VSIG4: variants seen among roughly 807,000 people sequenced by gnomAD.
The protein encoded by VSIG4 is V-set and immunoglobulin domain-containing protein 4.
VSIG4 carries 34 observed loss-of-function variants against 23.4 expected under a neutral mutation model. The observed-to-expected ratio is 1.45, with a 90% confidence interval of 1.10 to 1.93. VSIG4 has a LOEUF of 1.93. VSIG4 is among the 30% of genes most tolerant of loss of function. The pLI is 0.00. For synonymous variants in VSIG4, 169 were observed against 120.3 expected, an observed-to-expected ratio of 1.41 and a Z score of -2.65; for missense variants, 433 against 310.8, an observed-to-expected ratio of 1.39 and a Z score of -2.96.
At chrX:66,036,790 A>AATATAATATATATTATATTATATTAT (rs2085560166) in intron 1 of VSIG4, among the ~76,000 whole-genome samples, 1 of 38,601 alleles carries the variant, frequency 2.6e-5, no homozygotes, top group African/African-American at 1.5e-4. Context: ...TATTATATAT[A>AATATAATATATATTATATTATATTAT]ATATAATATA....
intron 1 of VSIG4, among the ~76,000 whole-genome samples, chrX:66,038,138 A>T (rs763022236): frequency 1.8e-5 from 2 of 111,591 alleles, no homozygotes; most frequent in African/African-American, 6.5e-5. Context: ...AATATTAGAA[A>T]TTTTTTAAAT....
chrX:66,022,514 G>T lies in VSIG4; in HGVS notation c.963-14C>A. The T allele has an allele frequency of 8.3e-7, 1 of 1,209,058 alleles. No individual in the cohort carries two copies. The highest frequency in any genetic ancestry group is 1.7e-5 in the African/African-American group (1 of 57,962). ...CTGGCATGTGCCCTATGGCCCAAGA[G>T]CCCACCACCCATAAGAAGGGACTTG... is the stretch of plus-strand genomic sequence containing the variant. On this transcript the variant is annotated splice_polypyrimidine_tract_variant and intron_variant, in intron 7 of 7. Transcript: ENST00000374737.
At position 66,028,154 on chromosome X, in the gene VSIG4, T is replaced by A. The variant is rs972722710; in HGVS notation, c.695-42A>T. 9.8e-6 allele frequency: 11 copies of A among 1,127,780 alleles called. No homozygotes were observed. In the African/African-American group the frequency reaches 1.8e-4, roughly 19 times the overall value. The allele number at this position is 1,127,780 out of a possible 1,213,427, so 92.9% of individuals were successfully genotyped here. On this transcript the variant is annotated intron_variant, in intron 3 of 7. Transcript: ENST00000374737. ...ACCGATTGAAGGGACCTGGTACCCT[T>A]TGGTGAATAGTTTAATGCCCTAGGG...
At chrX:66,027,803 GT>G (rs1309777698) in intron 4 of VSIG4, among the ~76,000 whole-genome samples, 1 of 112,236 alleles carries the variant, frequency 8.9e-6, no homozygotes, top group African/African-American at 3.2e-5. Context: ...TAGTGTTCTT[GT>G]TTTTTGTATT....
chrX:66,023,958 G>T (rs1461521734), intron 6 of VSIG4, among the ~76,000 whole-genome samples: 1 of 112,382 alleles, frequency 8.9e-6, no homozygotes, highest in Non-Finnish European at 1.9e-5. Flanking sequence ...GTAGTCATGT[G>T]CTATCAAGTT....
rs375659869 is a variant in VSIG4, at chrX:66,033,522, C to G, written c.364G>C (p.Gly122Arg). The change falls in exon 2 of 8, where the codon GGC (glycine) becomes CGC (arginine). Residue 122 changes from glycine to arginine, a missense_variant. Gly to Arg is a moderately radical substitution (Grantham distance 125). Coordinates refer to ENST00000374737, the MANE Select transcript of VSIG4 (RefSeq NM_007268.3). The stretch of plus-strand genomic sequence containing the variant: ...ATCTTATCTCTCACGACTTGGTTGC[C>G]ATCAGGAGTCTGCCAGGTGACTTCA... ...TCEVTWQTPD[G>R]NQVVRDKITE... The G allele has an allele frequency of 5.0e-5, 61 of 1,211,321 alleles. No individual in the cohort carries two copies. Among genetic ancestry groups the G allele is most frequent in the Non-Finnish European group, 6.7e-5 (60 of 895,266 alleles).
At chrX:66,025,164 T>A in intron 5 of VSIG4, 35 bp from the exon 6 acceptor site, 2 of 1,026,787 alleles carry the variant, frequency 1.9e-6, no homozygotes, top group South Asian at 2.3e-5. Context: ...GGTATTTGAT[T>A]GAAAATAAGG....
intron 6 of VSIG4, among the ~76,000 whole-genome samples, chrX:66,024,419 A>G (rs958619405): frequency 8.9e-6 from 1 of 111,937 alleles, no homozygotes; most frequent in African/African-American, 3.3e-5. Flanking sequence ...CCTGTTGCCC[A>G]TCTACAGAAA....
At chrX:66,036,590 A>T (rs2085543899) in intron 1 of VSIG4, among the ~76,000 whole-genome samples, 1 of 86,853 alleles carries the variant, frequency 1.2e-5, no homozygotes, top group African/African-American at 4.3e-5. Context: ...AAAGGAAGTA[A>T]TATTATAATA....
rs775432506 is a variant in VSIG4, at chrX:66,040,069, G to A, written c.-71C>T. ...AAAGAGGCTCAAACTTCTGGTGGCC[G>A]CCAGCGTCTGTGACTGCTTACTTCC... On this transcript the variant is annotated 5_prime_UTR_variant, in exon 1 of 8. Transcript: ENST00000374737. 44 of 1,105,025 alleles carry A rather than the reference G, an allele frequency of 4.0e-5. No individual in the cohort carries two copies. The highest frequency in any genetic ancestry group is 4.6e-5 in the Non-Finnish European group (37 of 802,855). The allele number at this position is 1,105,025 out of a possible 1,213,427, so 91.1% of individuals were successfully genotyped here. A position where few individuals can be genotyped will look rare whatever the true frequency, so the allele number is the denominator to read the frequency against.
At chrX:66,030,216 T>A (rs960604901) in intron 3 of VSIG4, among the ~76,000 whole-genome samples, 1 of 109,988 alleles carries the variant, frequency 9.1e-6, no homozygotes, top group African/African-American at 3.3e-5. Context: ...AATGGAGAGG[T>A]CTTGGGATTT....
intron 1 of VSIG4, among the ~76,000 whole-genome samples, chrX:66,037,034 GTAATA>G (rs1363114342): frequency 9.8e-4 from 18 of 18,301 alleles, no homozygotes; most frequent in Non-Finnish European, 1.4e-3. Context: ...AATATATAAT[GTAATA>G]TAATATATCA....
chrX:66,035,327 T>C (rs2085523407), intron 1 of VSIG4, among the ~76,000 whole-genome samples: 1 of 112,235 alleles, frequency 8.9e-6, no homozygotes, highest in Admixed American at 9.5e-5. Context: ...TCTATTTTCC[T>C]AATTCTATTT....
intron 1 of VSIG4, among the ~76,000 whole-genome samples, chrX:66,037,645 T>C (rs1308365200): frequency 1.2e-5 from 1 of 84,909 alleles, no homozygotes; most frequent in Non-Finnish European, 2.1e-5. Flanking sequence ...ATAATAATTA[T>C]ATAATTATTA....
intron 5 of VSIG4, among the ~76,000 whole-genome samples, chrX:66,026,385 A>T (rs1314896542): frequency 8.9e-6 from 1 of 111,867 alleles, no homozygotes; most frequent in Non-Finnish European, 1.9e-5. Flanking sequence ...AGTACTAAAA[A>T]ACTTGGTAGA....
At chrX:66,034,108 C>T (rs1479024536) in intron 1 of VSIG4, among the ~76,000 whole-genome samples, 1 of 111,784 alleles carries the variant, frequency 8.9e-6, no homozygotes, top group Non-Finnish European at 1.9e-5. Context: ...GGTAAGTCAC[C>T]TTCTTACCGT....
At chrX:66,025,504 C>A (rs886271479) in intron 5 of VSIG4, among the ~76,000 whole-genome samples, 11 of 112,366 alleles carry the variant, frequency 9.8e-5, no homozygotes, top group Non-Finnish European at 1.9e-4. Context: ...TCAGTTACTT[C>A]TAGCCACAAA....
At chrX:66,035,211 C>A (rs2085522111) in intron 1 of VSIG4, among the ~76,000 whole-genome samples, 1 of 111,708 alleles carries the variant, frequency 9.0e-6, no homozygotes, top group Non-Finnish European at 1.9e-5. Context: ...TAACATAAGT[C>A]CATGTTGCTA....
Position 66,036,792 on chromosome X carries a change from TA to T in VSIG4, c.56-2963del, listed in dbSNP as rs1428249912. On this transcript the variant is annotated intron_variant, in intron 1 of 7. Transcript: ENST00000374737. Reference sequence around the variant, plus strand: ...ATATATTATATTATATTATATATAATATAATATATTATATAATATTATATAT... The same window carrying T: ...ATATATTATATTATATTATATATAATTAATATATTATATAATATTATATAT... 9.4e-3 allele frequency among the ~76,000 whole-genome samples: 383 copies of T among 40,569 alleles called. 14 individuals are homozygous for T. The highest frequency in any genetic ancestry group is 0.044 in the African/African-American group (366 of 8,262). The allele number at this position is 40,569 out of a possible 115,157, so 35.2% of individuals were successfully genotyped here. A position where few individuals can be genotyped will look rare whatever the true frequency, so the allele number is the denominator to read the frequency against.
Sources: allele counts gnomAD v4.1 joint callset (sites outside exome capture counted in the v4.1 genomes callset), GRCh38; gene constraint gnomAD v4.1.1; transcripts MANE v1.5; gene names NCBI Gene and HGNC (gene_info 2026-07-23, HGNC 2026-07-21).